The following ZCWPW2 variants were observed in gnomAD, a reference collection of about 807,000 sequenced individuals.
ZCWPW2 encodes zinc finger CW-type PWWP domain protein 2.
ZCWPW2 carries 45 observed loss-of-function variants against 46.6 expected under a neutral mutation model. That is an observed-to-expected ratio of 0.96 (90% CI 0.76 to 1.24). The LOEUF (loss-of-function observed/expected upper bound fraction) is 1.24, where lower values mean the gene tolerates loss of function less well. Among genes scored for constraint, ZCWPW2 ranks in the 50% most tolerant of loss-of-function variants. The probability of loss-of-function intolerance (pLI) is 0.00; values close to 1 mark genes in which losing one functional copy is unlikely to be tolerated. For synonymous variants in ZCWPW2, 152 were observed against 137.1 expected (o/e 1.11, Z -0.76); for missense variants, 429 against 403.9 (o/e 1.06, Z -0.53).
chr3:28,440,656 A>G (rs533780950), intron 4 of ZCWPW2, among the ~76,000 whole-genome samples: 64 of 152,292 alleles, frequency 4.2e-4, no homozygotes, highest in African/African-American at 1.4e-3. Context: ...ACATGGTATG[A>G]CCAGTGAATT....
chr3:28,478,839 A>G lies in ZCWPW2; in HGVS notation c.518A>G (p.Lys173Arg), dbSNP rs1221105374. The change falls in exon 5 of 10, where the codon AAG (lysine) becomes AGG (arginine). Residue 173 changes from lysine to arginine, a missense_variant. Transcript: ENST00000383768. ...LKPEKCKNKK[K>R]WYKSALQEAC... ...CCAGAAAAGTGTAAGAATAAAAAGA[A>G]GTGGTATAAAAGTGCACTACAAGAA... is the stretch of plus-strand genomic sequence containing the variant. 2 of 1,559,422 alleles carry G rather than the reference A, an allele frequency of 1.3e-6. No individual in the cohort carries two copies. The highest frequency in any genetic ancestry group is 1.7e-6 in the Non-Finnish European group (2 of 1,158,182).
At chr3:28,426,632 A>G (rs1306042349) in intron 3 of ZCWPW2, among the ~76,000 whole-genome samples, 2 of 152,156 alleles carry the variant, frequency 1.3e-5, no homozygotes, top group African/African-American at 4.8e-5. Flanking sequence ...TTGCATATCA[A>G]TTAATATACT....
chr3:28,443,341 G>C (rs1394099638), intron 4 of ZCWPW2, among the ~76,000 whole-genome samples: 1 of 152,114 alleles, frequency 6.6e-6, no homozygotes, highest in African/African-American at 2.4e-5. Context: ...AATTTAGTGG[G>C]GTCCTTCCTC....
At chr3:28,447,726 T>C in intron 4 of ZCWPW2, 1 of 584,950 alleles carries the variant, frequency 1.7e-6, no homozygotes, top group Admixed American at 2.0e-5. Flanking sequence ...GCACTCAGAA[T>C]GGTCCAGCAT....
intron 6 of ZCWPW2, among the ~76,000 whole-genome samples, chr3:28,504,009 A>G (rs1469128228): frequency 3.9e-5 from 6 of 151,912 alleles, no homozygotes; most frequent in Non-Finnish European, 5.9e-5. Flanking sequence ...AAGCCTGGGT[A>G]ACATCGTGAA....
intron 4 of ZCWPW2, 138 bp downstream of exon 4, chr3:28,435,407 G>T: frequency 4.2e-6 from 3 of 707,100 alleles, no homozygotes; most frequent in Non-Finnish European, 2.0e-6. Context: ...TCAAATATTT[G>T]TATTTTTAGT....
Position 28,417,020 on chromosome 3 carries a change from G to A in ZCWPW2, c.332+3620G>A, listed in dbSNP as rs539335801. Among the ~76,000 whole-genome samples the A allele has an allele frequency of 1.1e-4, 17 of 149,242 alleles. No homozygotes were observed. The South Asian group carries it at 3.6e-3, about 32-fold the overall frequency. On this transcript the variant is annotated intron_variant, in intron 3 of 9. Transcript: ENST00000383768. The stretch of plus-strand genomic sequence containing the variant: ...TGTCAGGCTTTGGTATCAGGATGAT[G>A]CTGGCCTCATAAAATGAGTTAGGCA...
At position 28,423,460 on chromosome 3, in the gene ZCWPW2, G is replaced by A. The variant is rs565512915; in HGVS notation, c.332+10060G>A. ...AGGCTCACTGCAAGCTCTGCCTCCC[G>A]GGTTCACGCCATTCTCCTGTCTCAG... On this transcript the variant is annotated intron_variant, in intron 3 of 9. Coordinates refer to ENST00000383768, the MANE Select transcript of ZCWPW2 (RefSeq NM_001040432.4). 1.6e-3 allele frequency among the ~76,000 whole-genome samples: 239 copies of A among 149,524 alleles called. 1 individual carries two copies. The highest frequency in any genetic ancestry group is 5.7e-3 in the African/African-American group (231 of 40,560).
intron 1 of ZCWPW2, among the ~76,000 whole-genome samples, chr3:28,367,471 A>G (rs1165597401): frequency 6.6e-6 from 1 of 152,138 alleles, no homozygotes; most frequent in Non-Finnish European, 1.5e-5. Flanking sequence ...GAGTTTCTTA[A>G]TCCTGAGTTC....
chr3:28,364,247 C>A (rs1301290943), intron 1 of ZCWPW2, among the ~76,000 whole-genome samples: 1 of 152,158 alleles, frequency 6.6e-6, no homozygotes, highest in Non-Finnish European at 1.5e-5. Context: ...CCCAGCAATT[C>A]CATTTATAGG....
At chr3:28,430,695 T>C (rs566213866) in intron 3 of ZCWPW2, among the ~76,000 whole-genome samples, 4 of 152,142 alleles carry the variant, frequency 2.6e-5, no homozygotes, top group Admixed American at 6.6e-5. Context: ...GGTGGGACCT[T>C]GTGGGAGGTG....
At chr3:28,428,222 C>T (rs1007117967) in intron 3 of ZCWPW2, 1 of 152,316 alleles carries the variant, frequency 6.6e-6, no homozygotes, top group Non-Finnish European at 1.5e-5. Context: ...TCATTGAGGT[C>T]CTGACGCTAC....
chr3:28,354,318 C>T (rs1414715771), intron 1 of ZCWPW2, among the ~76,000 whole-genome samples: 2 of 149,072 alleles, frequency 1.3e-5, no homozygotes, highest in Admixed American at 6.9e-5. Context: ...GAAGTTGAAT[C>T]CCTGAATAGA....
At chr3:28,365,485 T>C (rs1179414803) in intron 1 of ZCWPW2, among the ~76,000 whole-genome samples, 1 of 141,020 alleles carries the variant, frequency 7.1e-6, no homozygotes, top group East Asian at 1.9e-4. Flanking sequence ...CTGAGGGCTC[T>C]GTTCTGTTCC....
At chr3:28,407,143 C>G (rs1012647582) in intron 2 of ZCWPW2, among the ~76,000 whole-genome samples, 1 of 152,132 alleles carries the variant, frequency 6.6e-6, no homozygotes, top group Admixed American at 6.5e-5. Context: ...CTCCTATGTG[C>G]TCCTTTGCTC....
intron 3 of ZCWPW2, among the ~76,000 whole-genome samples, chr3:28,433,777 C>A (rs867255674): frequency 1.4e-3 from 212 of 148,538 alleles, no homozygotes; most frequent in Admixed American, 3.3e-3. Flanking sequence ...AAACAAAAAA[C>A]AAAAAACAAA....
chr3:28,411,024 A>G (rs1245742244), intron 2 of ZCWPW2, among the ~76,000 whole-genome samples: 6 of 151,980 alleles, frequency 3.9e-5, no homozygotes, highest in African/African-American at 1.2e-4. Flanking sequence ...TTTTTACTTT[A>G]TTTAATGAAG....
At chr3:28,352,513 G>C (rs1315717492) in intron 1 of ZCWPW2, among the ~76,000 whole-genome samples, 1 of 152,158 alleles carries the variant, frequency 6.6e-6, no homozygotes, top group African/African-American at 2.4e-5. Context: ...GTGGTGTTTA[G>C]AAAGTAAATG....
At chr3:28,411,098 A>C (rs537458062) in intron 2 of ZCWPW2, among the ~76,000 whole-genome samples, 1 of 152,024 alleles carries the variant, frequency 6.6e-6, no homozygotes, top group South Asian at 2.1e-4. Context: ...TAATAGACAA[A>C]TCTTATTTAT....
Sources: allele counts gnomAD v4.1 joint callset (sites outside exome capture counted in the v4.1 genomes callset), GRCh38; gene constraint gnomAD v4.1.1; transcripts MANE v1.5; gene names NCBI Gene and HGNC (gene_info 2026-07-23, HGNC 2026-07-21).